The following VAV1 variants were observed in gnomAD, a reference collection of about 807,000 sequenced individuals.
VAV1 encodes the protein vav guanine nucleotide exchange factor 1, also known as proto-oncogene vav.
In VAV1, 33 loss-of-function variants were observed where a neutral mutation model predicts 128.1. The ratio of observed to expected loss-of-function variants is 0.26; its 90% CI spans 0.20 to 0.34. The LOEUF (loss-of-function observed/expected upper bound fraction) is 0.34, where lower values mean the gene tolerates loss of function less well. VAV1 is among the 10% of genes least tolerant of loss of function. The probability of loss-of-function intolerance (pLI) is 1.00; values close to 1 mark genes in which losing one functional copy is unlikely to be tolerated. For missense variants in VAV1, 715 were observed against 1,093.7 expected (o/e 0.65, Z 4.88); for synonymous variants, 394 against 409.8 (o/e 0.96, Z 0.47).
In VAV1 at chr19:6,850,808, C is replaced by G. The variant is rs762442646; in HGVS notation, c.2217+51C>G. 1.2e-5 allele frequency: 19 copies of G among 1,580,542 alleles called. No individual in the cohort carries two copies. The Admixed American group carries it at 3.1e-4, about 26-fold the overall frequency. The stretch of plus-strand genomic sequence containing the variant: ...CAGCTTTCCAGAACCTAGGAGGACC[C>G]TCCCTGCACCTCCGCCTTGGGACCC... On this transcript the variant is annotated intron_variant, in intron 24 of 26. Coordinates refer to ENST00000602142, the MANE Select transcript of VAV1 (RefSeq NM_005428.4).
chr19:6,857,158 G>A lies in VAV1; in HGVS notation c.*51G>A, dbSNP rs780707542. On this transcript the variant is annotated 3_prime_UTR_variant, in exon 27 of 27. Coordinates refer to ENST00000602142, the MANE Select transcript of VAV1 (RefSeq NM_005428.4). Reference sequence around the variant, plus strand: ...AGAAACTCCAGGCTCTGAGCCCGGCGTGGGCAGGCAGCGGAGCCAGGGGCT... The same window carrying A: ...AGAAACTCCAGGCTCTGAGCCCGGCATGGGCAGGCAGCGGAGCCAGGGGCT... 42 of 1,611,892 alleles carry A rather than the reference G, an allele frequency of 2.6e-5. No individual in the cohort carries two copies. The East Asian group carries it at 6.7e-4, about 26-fold the overall frequency.
intron 1 of VAV1, among the ~76,000 whole-genome samples, chr19:6,806,792 G>C (rs904722093): frequency 8.5e-5 from 13 of 152,242 alleles, no homozygotes; most frequent in Non-Finnish European, 4.4e-5. Context: ...CATGTTGCTA[G>C]AAGAGAAAGA....
intron 23 of VAV1, among the ~76,000 whole-genome samples, chr19:6,848,615 C>G (rs948605790): frequency 6.6e-5 from 10 of 151,956 alleles, no homozygotes; most frequent in African/African-American, 2.4e-4. Flanking sequence ...GTTGGCCAGC[C>G]TGGTCTCGAA....
intron 1 of VAV1, among the ~76,000 whole-genome samples, chr19:6,780,972 G>A (rs1016644863): frequency 6.6e-6 from 1 of 151,052 alleles, no homozygotes; most frequent in Non-Finnish European, 1.5e-5. Flanking sequence ...GCATTGGCAC[G>A]ATCTCTGCTC....
chr19:6,825,094 C>T lies in VAV1; in HGVS notation c.696C>T (p.Asp232=). The change falls in exon 7 of 27, where the codon GAC becomes GAT. Residue 232 remains aspartate (D), a synonymous_variant. Transcript: ENST00000602142. ...KPLQRFLKPQ[D]IEIIFINIED... ...TGCAACGGTTCCTGAAACCTCAAGA[C>T]ATTGAGATCATCTTTATCAACATTG... 3 of 1,613,174 alleles carry T rather than the reference C, an allele frequency of 1.9e-6. No homozygotes were observed. Among genetic ancestry groups the T allele is most frequent in the Non-Finnish European group, 2.5e-6 (3 of 1,180,004 alleles).
chr19:6,819,293 C>G (rs146929911), intron 1 of VAV1, among the ~76,000 whole-genome samples: 150 of 152,132 alleles, frequency 9.9e-4, no homozygotes, highest in African/African-American at 3.4e-3. Flanking sequence ...ATATGAATAT[C>G]CAGTCCTAAA....
At position 6,825,511 on chromosome 19, in the gene VAV1, T is replaced by C. The variant is rs1258965904; in HGVS notation, c.827+105T>C. The C allele has an allele frequency of 3.1e-6, 3 of 981,282 alleles. No individual in the cohort carries two copies. In the East Asian group the frequency reaches 7.9e-5, roughly 26 times the overall value. The allele number at this position is 981,282 out of a possible 1,614,324, so 60.8% of individuals were successfully genotyped here. A position where few individuals can be genotyped will look rare whatever the true frequency, so the allele number is the denominator to read the frequency against. ...AGACACCACTGGACGGGGAGGACTTTTTGCTGTGTGTTCATGGGCGAGGGG... is the reference window on the plus strand; with the variant it reads ...AGACACCACTGGACGGGGAGGACTTCTTGCTGTGTGTTCATGGGCGAGGGG... On this transcript the variant is annotated intron_variant, in intron 8 of 26. Coordinates refer to ENST00000602142, the MANE Select transcript of VAV1 (RefSeq NM_005428.4).
chr19:6,809,437 C>T (rs989192392), intron 1 of VAV1, among the ~76,000 whole-genome samples: 1 of 152,118 alleles, frequency 6.6e-6, no homozygotes, highest in Non-Finnish European at 1.5e-5. Flanking sequence ...AAAGGGCATT[C>T]AGGGCAGAGG....
chr19:6,794,861 T>C (rs1453045974), intron 1 of VAV1, among the ~76,000 whole-genome samples: 1 of 152,132 alleles, frequency 6.6e-6, no homozygotes, highest in Non-Finnish European at 1.5e-5. Context: ...CTCAGCTCCA[T>C]GGTGAGAAAC....
In VAV1 at chr19:6,826,868, G is replaced by C. The variant is rs975254055; in HGVS notation, c.927+157G>C. 2 of 645,182 alleles carry C rather than the reference G, an allele frequency of 3.1e-6. No homozygotes were observed. Among genetic ancestry groups the C allele is most frequent in the African/African-American group, 3.6e-5 (2 of 54,898 alleles). 40.0% of individuals were successfully genotyped at this position (645,182 alleles called of 1,614,324 possible). ...GAGGGAGGTACTAGCCAGCCAAGCAGAGGAAATGGAGAAGAACAGAAATGG... is the reference window on the plus strand; with the variant it reads ...GAGGGAGGTACTAGCCAGCCAAGCACAGGAAATGGAGAAGAACAGAAATGG... On this transcript the variant is annotated intron_variant, in intron 9 of 26. Transcript: ENST00000602142. This position sits in a 1 kb window ranked among gnomAD's most constrained non-coding sequence, Gnocchi z 4.1.
chr19:6,828,574 C>T lies in VAV1; in HGVS notation c.1093-48C>T. On this transcript the variant is annotated intron_variant, in intron 11 of 26. Transcript: ENST00000602142. This position sits in a 1 kb window ranked among gnomAD's most constrained non-coding sequence, Gnocchi z 4.5. Reference sequence around the variant, plus strand: ...TCCTCTAGCCGGGATTAGGTAGGAGCCTGGGTCGGCTGTTGGGGGGCCAGG... The same window carrying T: ...TCCTCTAGCCGGGATTAGGTAGGAGTCTGGGTCGGCTGTTGGGGGGCCAGG... 2 of 1,613,648 alleles carry T rather than the reference C, an allele frequency of 1.2e-6. No individual in the cohort carries two copies. Among genetic ancestry groups the T allele is most frequent in the African/African-American group, 1.3e-5 (1 of 75,026 alleles).
chr19:6,849,970 T>A (rs945138257), intron 23 of VAV1, among the ~76,000 whole-genome samples: 6 of 152,102 alleles, frequency 3.9e-5, no homozygotes, highest in Admixed American at 3.3e-4. Context: ...GGTAGCTGCA[T>A]CAAATGGTGG....
chr19:6,787,656 G>T (rs1359189958), intron 1 of VAV1, among the ~76,000 whole-genome samples: 2 of 151,764 alleles, frequency 1.3e-5, no homozygotes, highest in African/African-American at 2.4e-5. Context: ...GAGTGCAATG[G>T]CATAGTCATA....
chr19:6,829,801 C>T lies in VAV1; in HGVS notation c.1281C>T (p.Leu427=), dbSNP rs754467896. 3.7e-6 allele frequency: 6 copies of T among 1,613,974 alleles called. No individual in the cohort carries two copies. The highest frequency in any genetic ancestry group is 1.3e-5 in the African/African-American group (1 of 74,890). The change falls in exon 14 of 27, where the codon CTC becomes CTT. Residue 427 remains leucine, a synonymous_variant. Coordinates refer to ENST00000602142, the MANE Select transcript of VAV1 (RefSeq NM_005428.4). ...RSKMDRYAFL[L]DKALLICKRR... ...ATCCTTCCAGGTATGCCTTCCTGCTCGACAAAGCTCTACTCATCTGTAAGC... is the reference window on the plus strand; with the variant it reads ...ATCCTTCCAGGTATGCCTTCCTGCTTGACAAAGCTCTACTCATCTGTAAGC...
chr19:6,784,941 C>G (rs920722929), intron 1 of VAV1, among the ~76,000 whole-genome samples: 3 of 152,194 alleles, frequency 2.0e-5, no homozygotes, highest in Admixed American at 1.3e-4. Flanking sequence ...GTGAAAAAGA[C>G]AAAATCCTCA....
intron 25 of VAV1, among the ~76,000 whole-genome samples, chr19:6,853,517 A>G (rs1250676853): frequency 6.6e-6 from 1 of 151,852 alleles, no homozygotes. Context: ...TGAGGTTAGG[A>G]GTTCAAGACC....
chr19:6,854,449 A>T lies in VAV1; in HGVS notation c.2484+351A>T, dbSNP rs192236154. Among the ~76,000 whole-genome samples, 377 of 152,292 alleles carry T rather than the reference A, an allele frequency of 2.5e-3. 4 individuals carry two copies. The highest frequency in any genetic ancestry group is 8.8e-3 in the African/African-American group (364 of 41,566). ...ACAAGGGTGCCAGTCACGGTGGCTC[A>T]TGCCTGTAATCCCAGTGCTTTGGGA... On this transcript the variant is annotated intron_variant, in intron 26 of 26. Transcript: ENST00000602142.
At chr19:6,848,770 T>C (rs1972590516) in intron 23 of VAV1, among the ~76,000 whole-genome samples, 1 of 151,470 alleles carries the variant, frequency 6.6e-6, no homozygotes, top group Non-Finnish European at 1.5e-5. Flanking sequence ...TCCAGGAATT[T>C]CTAATTTTTT....
chr19:6,852,736 A>AT, intron 24 of VAV1, among the ~76,000 whole-genome samples: 1 of 151,348 alleles, frequency 6.6e-6, no homozygotes, highest in Non-Finnish European at 1.5e-5. Context: ...AAAAAAAAAA[A>AT]GAAAGAAAGA....
Sources: gnomAD v4.1 joint callset for allele counts (sites outside exome capture counted in the v4.1 genomes callset) on GRCh38, gnomAD v4.1.1 for gene constraint, Gnocchi (gnomAD v3.1) non-coding constraint, MANE v1.5 for transcripts, NCBI Gene and HGNC (gene_info 2026-07-23, HGNC 2026-07-21) for gene names.